Variants in ZNF471 observed in about 807,000 individuals in gnomAD.
The protein encoded by ZNF471 is EZFIT-related protein 1.
ZNF471 carries 7 observed loss-of-function variants against 13.7 expected under a neutral mutation model. That is an observed-to-expected ratio of 0.51 (90% CI 0.29 to 0.96). The LOEUF (loss-of-function observed/expected upper bound fraction) is 0.96. Among genes scored for constraint, ZNF471 ranks in the 40% least tolerant of loss-of-function variants. The pLI is 0.08. For synonymous variants in ZNF471, 218 were observed against 235.6 expected (o/e 0.93, Z 0.68); for missense variants, 663 against 743.3 (o/e 0.89, Z 1.26).
In ZNF471 at chr19:56,510,615, A is replaced by AT; in HGVS notation, c.-55-900dup. ...ATGTGCTTGTTTTGGGGTGCTTGTG[A>AT]TTGTGTCCTCCGTGTGACCATGAAA... On this transcript the variant is annotated intron_variant, in intron 1 of 4. Transcript: ENST00000308031. The surrounding 1 kb of genome is among the most constrained non-coding windows in gnomAD (Gnocchi z 4.3). 1 of 985,704 alleles carries AT rather than the reference A, an allele frequency of 1.0e-6. No homozygotes were observed. Among genetic ancestry groups the AT allele is most frequent in the Non-Finnish European group, 1.2e-6 (1 of 830,050 alleles). 61.1% of individuals were successfully genotyped at this position (985,704 alleles called of 1,614,324 possible).
rs2043763562 is a variant in ZNF471 at position 56,508,372 on chromosome 19, G to T, written c.-56+452G>T. Among the ~76,000 whole-genome samples the T allele has an allele frequency of 6.6e-6, 1 of 151,652 alleles. No individual in the cohort carries two copies. The highest frequency in any genetic ancestry group is 6.6e-5 in the Admixed American group (1 of 15,246). The stretch of plus-strand genomic sequence containing the variant: ...GGGATGTGCCTGCATTTGAAAGAGA[G>T]CGTGTGAAGCTCAGTGAGAGGTTGC... On this transcript the variant is annotated intron_variant, in intron 1 of 4. Transcript: ENST00000308031. The surrounding 1 kb of genome is among the most constrained non-coding windows in gnomAD (Gnocchi z 4.7).
rs996879594 is a variant in ZNF471, at chr19:56,508,086, G to A, written c.-56+166G>A. 2.3e-5 allele frequency: 23 copies of A among 984,890 alleles called. No homozygotes were observed. Among genetic ancestry groups the A allele is most frequent in the Non-Finnish European group, 2.7e-5 (22 of 829,532 alleles). The allele number at this position is 984,890 out of a possible 1,614,324, so 61.0% of individuals were successfully genotyped here. On this transcript the variant is annotated intron_variant, in intron 1 of 4. Transcript: ENST00000308031. This position sits in a 1 kb window ranked among gnomAD's most constrained non-coding sequence, Gnocchi z 4.7. ...GGGCGCGCGTACTCGAGTCTGCGGGGCGGAGGCCGCGGCTCGGGGCTGCTG... is the reference window on the plus strand; with the variant it reads ...GGGCGCGCGTACTCGAGTCTGCGGGACGGAGGCCGCGGCTCGGGGCTGCTG...
At position 56,529,266 on chromosome 19, in the gene ZNF471, G is replaced by A. The variant is rs1011784543; in HGVS notation, c.*3318G>A. On this transcript the variant is annotated 3_prime_UTR_variant, in exon 5 of 5. Coordinates refer to ENST00000308031, the MANE Select transcript of ZNF471 (RefSeq NM_020813.4). Reference sequence around the variant, plus strand: ...GAAAAGTGTTTTCGATGTATCATTGGGGGAGATTAAATGTCTTTGACAGTT... The same window carrying A: ...GAAAAGTGTTTTCGATGTATCATTGAGGGAGATTAAATGTCTTTGACAGTT... 6.6e-6 allele frequency: 1 copy of A among 152,176 alleles called. No homozygotes were observed. Among genetic ancestry groups the A allele is most frequent in the South Asian group, 2.1e-4 (1 of 4,832 alleles). The allele number at this position is 152,176 out of a possible 1,614,324, so 9.4% of individuals were successfully genotyped here.
Position 56,516,942 on chromosome 19 carries a change from T to G in ZNF471, c.160+541T>G, listed in dbSNP as rs1367525540. Among the ~76,000 whole-genome samples the G allele has an allele frequency of 6.6e-6, 1 of 152,204 alleles. No homozygotes were observed. Among genetic ancestry groups the G allele is most frequent in the African/African-American group, 2.4e-5 (1 of 41,442 alleles). ...GATTATGCTTGTGGTTCATTGAGCT[T>G]CTTGAAACTAAATTTATATCTTAAA... On this transcript the variant is annotated intron_variant, in intron 3 of 4. Coordinates refer to ENST00000308031, the MANE Select transcript of ZNF471 (RefSeq NM_020813.4). The surrounding 1 kb of genome is among the most constrained non-coding windows in gnomAD (Gnocchi z 4.4).
At chr19:56,514,207 A>C (rs2043849479) in intron 2 of ZNF471, among the ~76,000 whole-genome samples, 1 of 151,760 alleles carries the variant, frequency 6.6e-6, no homozygotes, top group Non-Finnish European at 1.5e-5. Flanking sequence ...GATTATAGGC[A>C]TGCACCACCA....
In ZNF471 at chr19:56,526,001, A is replaced by C. The variant is rs2044042211; in HGVS notation, c.*53A>C. On this transcript the variant is annotated 3_prime_UTR_variant, in exon 5 of 5. Coordinates refer to ENST00000308031, the MANE Select transcript of ZNF471 (RefSeq NM_020813.4). ...AGTTATCACCAATCCCCTACTGTTA[A>C]TCAGAGATGTCCCACTGGATAAAAA... The C allele has an allele frequency of 1.4e-6, 2 of 1,460,284 alleles. No homozygotes were observed. The highest frequency in any genetic ancestry group is 4.6e-5 in the East Asian group (2 of 43,542). The allele number at this position is 1,460,284 out of a possible 1,614,324, so 90.5% of individuals were successfully genotyped here. A position where few individuals can be genotyped will look rare whatever the true frequency, so the allele number is the denominator to read the frequency against.
chr19:56,517,670 A>G (rs1240219406), intron 3 of ZNF471, among the ~76,000 whole-genome samples: 1 of 152,012 alleles, frequency 6.6e-6, no homozygotes, highest in African/African-American at 2.4e-5. Flanking sequence ...TGAACTCCTG[A>G]CCTCAGGTGA....
rs2043768045 is a variant in ZNF471, at chr19:56,508,641, G to A, written c.-56+721G>A. 6.6e-6 allele frequency among the ~76,000 whole-genome samples: 1 copy of A among 152,030 alleles called. No individual in the cohort carries two copies. Among genetic ancestry groups the A allele is most frequent in the Admixed American group, 6.6e-5 (1 of 15,256 alleles). Reference sequence around the variant, plus strand: ...CGAGACTAGACTGTGCAAGAACAGAGTGTGAGACTGTGGTATGTTAATGTG... The same window carrying A: ...CGAGACTAGACTGTGCAAGAACAGAATGTGAGACTGTGGTATGTTAATGTG... On this transcript the variant is annotated intron_variant, in intron 1 of 4. Transcript: ENST00000308031. The surrounding 1 kb of genome is among the most constrained non-coding windows in gnomAD (Gnocchi z 4.7).
Position 56,511,518 on chromosome 19 carries a change from C to T in ZNF471, c.-54C>T, listed in dbSNP as rs999455806. 2.5e-6 allele frequency: 4 copies of T among 1,611,912 alleles called. No individual in the cohort carries two copies. The highest frequency in any genetic ancestry group is 2.7e-5 in the African/African-American group (2 of 74,830). On this transcript the variant is annotated splice_region_variant and 5_prime_UTR_variant, in exon 2 of 5. Transcript: ENST00000308031. Reference sequence around the variant, plus strand: ...TCTCTAACCTTTCCCTTCCTTCAGCCTTGCCCTCCCAAGACACTGTTCTTC... The same window carrying T: ...TCTCTAACCTTTCCCTTCCTTCAGCTTTGCCCTCCCAAGACACTGTTCTTC...
In ZNF471 at chr19:56,525,731, C is replaced by T. The variant is rs756363680; in HGVS notation, c.1664C>T (p.Thr555Ile). 4 of 1,613,722 alleles carry T rather than the reference C, an allele frequency of 2.5e-6. No homozygotes were observed. In the East Asian group the frequency reaches 8.9e-5, roughly 36 times the overall value. ...GAATGCGGGAAAGCCTTCAGCCAAA[C>T]TTCCAATCTTACTCAACATCAAAGA... ...CNECGKAFSQ[T>I]SNLTQHQRIH... Residue 555 changes from threonine (T) to isoleucine (I), a missense_variant, in exon 5 of 5, where the codon ACT becomes ATT. Physicochemically the swap from Thr to Ile is moderately conservative, Grantham distance 89 (BLOSUM62 -1). Transcript: ENST00000308031.
chr19:56,529,269 GA>G lies in ZNF471; in HGVS notation c.*3322del, dbSNP rs1329002421. On this transcript the variant is annotated 3_prime_UTR_variant, in exon 5 of 5. Coordinates refer to ENST00000308031, the MANE Select transcript of ZNF471 (RefSeq NM_020813.4). ...AAGTGTTTTCGATGTATCATTGGGG[GA>G]GATTAAATGTCTTTGACAGTTGTCC... The G allele has an allele frequency of 6.6e-6, 1 of 152,188 alleles. No individual in the cohort carries two copies. Among genetic ancestry groups the G allele is most frequent in the Non-Finnish European group, 1.5e-5 (1 of 68,046 alleles). 9.4% of individuals were successfully genotyped at this position (152,188 alleles called of 1,614,324 possible).
At position 56,518,560 on chromosome 19, in the gene ZNF471, CAA is replaced by C; in HGVS notation, c.240_241del (p.Arg81LysfsTer23). On this transcript the variant is annotated frameshift_variant, in exon 4 of 5. Coordinates refer to ENST00000308031, the MANE Select transcript of ZNF471 (RefSeq NM_020813.4). LOFTEE classifies it low-confidence loss of function (END_TRUNC). ...CCTTGGGAGATGACGAGTGAGATGA[CAA>C]GAAGCCCATTCTCAGGTGAGTGTGG... 6.2e-7 allele frequency: 1 copy of C among 1,613,122 alleles called. No homozygotes were observed. Among genetic ancestry groups the C allele is most frequent in the Non-Finnish European group, 8.5e-7 (1 of 1,179,612 alleles).
Position 56,528,794 on chromosome 19 carries a change from C to T in ZNF471, c.*2846C>T, listed in dbSNP as rs2044077063. 6.6e-6 allele frequency: 1 copy of T among 152,022 alleles called. No individual in the cohort carries two copies. Among genetic ancestry groups the T allele is most frequent in the Non-Finnish European group, 1.5e-5 (1 of 67,992 alleles). 9.4% of individuals were successfully genotyped at this position (152,022 alleles called of 1,614,324 possible). A position where few individuals can be genotyped will look rare whatever the true frequency, so the allele number is the denominator to read the frequency against. On this transcript the variant is annotated 3_prime_UTR_variant, in exon 5 of 5. Transcript: ENST00000308031. Reference sequence around the variant, plus strand: ...TTTATTTAGTCAAGTAAAAAAAAATCACTAATGTTTAACTGAAGAAAGAGA... The same window carrying T: ...TTTATTTAGTCAAGTAAAAAAAAATTACTAATGTTTAACTGAAGAAAGAGA...
intron 2 of ZNF471, among the ~76,000 whole-genome samples, chr19:56,511,823 T>C (rs1021679266): frequency 1.3e-5 from 2 of 152,184 alleles, no homozygotes; most frequent in Non-Finnish European, 2.9e-5. Context: ...CTTCCCACCT[T>C]GTGTACATTT....
rs1055595339 is a variant in ZNF471, at chr19:56,528,323, C to A, written c.*2375C>A. 6.6e-6 allele frequency: 1 copy of A among 152,176 alleles called. No individual in the cohort carries two copies. The highest frequency in any genetic ancestry group is 1.5e-5 in the Non-Finnish European group (1 of 68,038). 9.4% of individuals were successfully genotyped at this position (152,176 alleles called of 1,614,324 possible). On this transcript the variant is annotated 3_prime_UTR_variant, in exon 5 of 5. Coordinates refer to ENST00000308031, the MANE Select transcript of ZNF471 (RefSeq NM_020813.4). ...GCTTAGTAAATGTTAGATAAGTATT[C>A]TCCAGAATTGATGTAAATTATTTTT...
At chr19:56,523,649 T>C (rs12151151) in intron 4 of ZNF471, among the ~76,000 whole-genome samples, 35,033 of 152,022 alleles carry the variant, frequency 0.23, 4,241 homozygotes, top group Middle Eastern at 0.25. Context: ...TGATACGATA[T>C]TGGTATTTAA....
At position 56,510,703 on chromosome 19, in the gene ZNF471, G is replaced by T; in HGVS notation, c.-55-814G>T. 1.0e-6 allele frequency: 1 copy of T among 985,518 alleles called. No homozygotes were observed. 61.0% of individuals were successfully genotyped at this position (985,518 alleles called of 1,614,324 possible). A position where few individuals can be genotyped will look rare whatever the true frequency, so the allele number is the denominator to read the frequency against. On this transcript the variant is annotated intron_variant, in intron 1 of 4. Coordinates refer to ENST00000308031, the MANE Select transcript of ZNF471 (RefSeq NM_020813.4). This position sits in a 1 kb window ranked among gnomAD's most constrained non-coding sequence, Gnocchi z 4.3. ...AATTGTGGCCCTGTATGACTGCTGT[G>T]TATGGAGAGACTACTTGGAAGATTG...
At position 56,525,945 on chromosome 19, in the gene ZNF471, T is replaced by G; in HGVS notation, c.1878T>G (p.Pro626=). Residue 626 remains proline (P), a synonymous_variant, in exon 5 of 5, where the codon CCT becomes CCG. Coordinates refer to ENST00000308031, the MANE Select transcript of ZNF471 (RefSeq NM_020813.4). ...CHQRSHTGEE[P] is the part of the protein sequence containing the mutation. ...AAAGAAGTCATACTGGAGAAGAACC[T>G]TAAGAATGTAGTGCATGTGGCCAAG... is the stretch of plus-strand genomic sequence containing the variant. 1 of 1,550,888 alleles carries G rather than the reference T, an allele frequency of 6.4e-7. No individual in the cohort carries two copies. The highest frequency in any genetic ancestry group is 8.7e-7 in the Non-Finnish European group (1 of 1,152,742).
rs1187423687 is a variant in ZNF471 at position 56,527,236 on chromosome 19, G to A, written c.*1288G>A. On this transcript the variant is annotated 3_prime_UTR_variant, in exon 5 of 5. Coordinates refer to ENST00000308031, the MANE Select transcript of ZNF471 (RefSeq NM_020813.4). ...AGCAAACTCCAGCAGACCTGCAGCCGAGGGGCCTCACTGTTAGAAGGAAAA... is the reference window on the plus strand; with the variant it reads ...AGCAAACTCCAGCAGACCTGCAGCCAAGGGGCCTCACTGTTAGAAGGAAAA... 2 of 153,642 alleles carry A rather than the reference G, an allele frequency of 1.3e-5. No individual in the cohort carries two copies. Among genetic ancestry groups the A allele is most frequent in the Non-Finnish European group, 2.9e-5 (2 of 69,240 alleles). The allele number at this position is 153,642 out of a possible 1,614,324, so 9.5% of individuals were successfully genotyped here. A position where few individuals can be genotyped will look rare whatever the true frequency, so the allele number is the denominator to read the frequency against.
Sources: allele counts gnomAD v4.1 joint callset (sites outside exome capture counted in the v4.1 genomes callset), GRCh38; gene constraint gnomAD v4.1.1; non-coding constraint Gnocchi (gnomAD v3.1); transcripts MANE v1.5; gene names NCBI Gene and HGNC (gene_info 2026-07-23, HGNC 2026-07-21).